Variants in FHOD3 observed in about 807,000 individuals in gnomAD.
FHOD3 encodes the protein formin homology 2 domain containing 3, also known as FH1/FH2 domain-containing protein 3.
FHOD3 carries 90 observed loss-of-function variants against 173.0 expected under a neutral mutation model. The observed-to-expected ratio is 0.52, with a 90% CI of 0.44 to 0.62. The LOEUF (loss-of-function observed/expected upper bound fraction) is 0.62, where lower values mean the gene tolerates loss of function less well. FHOD3 is among the 20% of genes least tolerant of loss of function. The probability of loss-of-function intolerance (pLI) is 0.00; values close to 1 mark genes in which losing one functional copy is unlikely to be tolerated. For synonymous variants in FHOD3, 828 were observed against 823.0 expected, an observed-to-expected ratio of 1.01 and a Z score of -0.10; for missense variants, 1,945 against 2,034.7, an observed-to-expected ratio of 0.96 and a Z score of 0.85.
chr18:36,542,707 A>G (rs1040216550), intron 5 of FHOD3, among the ~76,000 whole-genome samples: 4 of 152,236 alleles, frequency 2.6e-5, no homozygotes, highest in African/African-American at 9.6e-5. Context: ...CTTGAGATTC[A>G]TATGATTTCC....
intron 13 of FHOD3, among the ~76,000 whole-genome samples, chr18:36,656,575 A>G (rs2036441014): frequency 6.6e-6 from 1 of 152,192 alleles, no homozygotes; most frequent in African/African-American, 2.4e-5. Flanking sequence ...TAATAATGAA[A>G]TTTCTTATTG....
intron 1 of FHOD3, among the ~76,000 whole-genome samples, chr18:36,298,939 T>G (rs1244248540): frequency 6.6e-6 from 1 of 152,078 alleles, no homozygotes. Context: ...CTTCCCAGTA[T>G]TTTTTCTGCC....
chr18:36,690,616 G>A (rs1375903283), intron 16 of FHOD3, among the ~76,000 whole-genome samples: 1 of 152,096 alleles, frequency 6.6e-6, no homozygotes, highest in Non-Finnish European at 1.5e-5. Flanking sequence ...TGGCATGGCC[G>A]TCTCCGCGTA....
chr18:36,355,586 T>C lies in FHOD3; in HGVS notation c.213T>C (p.Asp71=), dbSNP rs752106162. 6.2e-7 allele frequency: 1 copy of C among 1,614,068 alleles called. No individual in the cohort carries two copies. The highest frequency in any genetic ancestry group is 2.2e-5 in the East Asian group (1 of 44,872). ...LQLSHNGAYL[D]LEATLAEQRD... ...TCTCTCACAATGGCGCCTACCTGGA[T>C]TTGGAGGCCACCCTGGCAGAGCAGC... Residue 71 remains aspartate, a synonymous_variant, in exon 2 of 29, where the codon GAT becomes GAC. Transcript: ENST00000590592.
At chr18:36,517,360 G>C (rs1279699492) in intron 5 of FHOD3, among the ~76,000 whole-genome samples, 1 of 152,176 alleles carries the variant, frequency 6.6e-6, no homozygotes, top group Non-Finnish European at 1.5e-5. Context: ...CAGGCCCTGG[G>C]GTTGTGACGA....
chr18:36,406,094 TG>T (rs67384729), intron 3 of FHOD3, among the ~76,000 whole-genome samples: 8,046 of 125,678 alleles, frequency 0.064, 326 homozygotes, highest in South Asian at 0.18. Context: ...TTTTTGTTTT[TG>T]TTTTTTTGTT....
chr18:36,605,492 C>T (rs1215609594), intron 8 of FHOD3, among the ~76,000 whole-genome samples: 1 of 152,200 alleles, frequency 6.6e-6, no homozygotes, highest in East Asian at 1.9e-4. Flanking sequence ...GCCAAGGAGA[C>T]ATCCAGAAAG....
At chr18:36,425,477 A>G (rs140255947) in intron 3 of FHOD3, among the ~76,000 whole-genome samples, 328 of 152,316 alleles carry the variant, frequency 2.2e-3, no homozygotes, top group African/African-American at 7.5e-3. Flanking sequence ...TTATGTTCTA[A>G]CAACCTTTAA....
chr18:36,538,769 G>A (rs1454465522), intron 5 of FHOD3, among the ~76,000 whole-genome samples: 1 of 152,228 alleles, frequency 6.6e-6, no homozygotes, highest in Non-Finnish European at 1.5e-5. Context: ...GATGGCAGTG[G>A]TGGGAGGTAG....
chr18:36,426,259 T>C (rs1431567038), intron 3 of FHOD3, among the ~76,000 whole-genome samples: 1 of 152,166 alleles, frequency 6.6e-6, no homozygotes, highest in Non-Finnish European at 1.5e-5. Context: ...GGGGTTGTTA[T>C]TTTTCTCATC....
chr18:36,498,176 C>T (rs1010989248), intron 3 of FHOD3, among the ~76,000 whole-genome samples: 4 of 151,928 alleles, frequency 2.6e-5, no homozygotes, highest in African/African-American at 9.7e-5. Flanking sequence ...AAAATGAAAA[C>T]AATATATCAA....
chr18:36,560,036 C>CT (rs1011354091), intron 5 of FHOD3, among the ~76,000 whole-genome samples: 1 of 152,138 alleles, frequency 6.6e-6, no homozygotes, highest in Non-Finnish European at 1.5e-5. Flanking sequence ...ATGCAGCAGA[C>CT]TTTTTTACAT....
chr18:36,478,512 T>A (rs75650852), intron 3 of FHOD3, among the ~76,000 whole-genome samples: 1 of 27,720 alleles, frequency 3.6e-5, no homozygotes, highest in African/African-American at 1.5e-4. Context: ...TACTCATTCT[T>A]TCTATTTTTT....
chr18:36,392,455 C>T (rs769409754), intron 3 of FHOD3, among the ~76,000 whole-genome samples: 2 of 152,150 alleles, frequency 1.3e-5, no homozygotes, highest in Non-Finnish European at 2.9e-5. Context: ...CTTATAGTGG[C>T]CAAAGCTGAA....
At chr18:36,654,965 T>A (rs1221714491) in intron 13 of FHOD3, among the ~76,000 whole-genome samples, 2 of 152,150 alleles carry the variant, frequency 1.3e-5, no homozygotes, top group Non-Finnish European at 2.9e-5. Flanking sequence ...ATATGGAACT[T>A]CAGGATCTGA....
intron 8 of FHOD3, among the ~76,000 whole-genome samples, chr18:36,605,658 G>A (rs2031982663): frequency 6.6e-6 from 1 of 151,854 alleles, no homozygotes; most frequent in South Asian, 2.1e-4. Flanking sequence ...AAAAAAATTT[G>A]CAACCTCCGG....
At chr18:36,562,939 A>C (rs1486772087) in intron 5 of FHOD3, among the ~76,000 whole-genome samples, 1 of 152,116 alleles carries the variant, frequency 6.6e-6, no homozygotes, top group Non-Finnish European at 1.5e-5. Flanking sequence ...TCCTCTGTGG[A>C]CAGGCCTAGG....
intron 1 of FHOD3, among the ~76,000 whole-genome samples, chr18:36,347,069 A>G (rs369296881): frequency 6.6e-6 from 1 of 152,212 alleles, no homozygotes; most frequent in Admixed American, 6.5e-5. Context: ...TCTCCCCAGG[A>G]CACAGTGTAG....
chr18:36,497,779 A>G (rs935314213), intron 3 of FHOD3, among the ~76,000 whole-genome samples: 2 of 152,232 alleles, frequency 1.3e-5, no homozygotes, highest in Non-Finnish European at 2.9e-5. Flanking sequence ...CTCTCCTTTC[A>G]CACTAATCTA....
Sources: allele counts gnomAD v4.1 joint callset (sites outside exome capture counted in the v4.1 genomes callset), GRCh38; gene constraint gnomAD v4.1.1; transcripts MANE v1.5; gene names NCBI Gene and HGNC (gene_info 2026-07-23, HGNC 2026-07-21).